Variants in LTBP3 observed in about 807,000 individuals in gnomAD.
LTBP3 encodes latent transforming growth factor beta binding protein 3, also known as latent-transforming growth factor beta-binding protein 3.
In LTBP3, 97 loss-of-function variants were observed where a neutral mutation model predicts 159.7. The observed-to-expected ratio is 0.61, with a 90% CI of 0.52 to 0.72. The LOEUF (loss-of-function observed/expected upper bound fraction) is 0.72. Among genes scored for constraint, LTBP3 ranks in the 30% least tolerant of loss-of-function variants. The probability of loss-of-function intolerance (pLI) is 0.00; values close to 1 mark genes in which losing one functional copy is unlikely to be tolerated. For missense variants in LTBP3, 1,584 were observed against 1,864.3 expected, an observed-to-expected ratio of 0.85 and a Z score of 2.77; for synonymous variants, 824 against 777.1, an observed-to-expected ratio of 1.06 and a Z score of -1.00.
chr11:65,538,943 G>T lies in LTBP3; in HGVS notation c.*137C>A. On this transcript the variant is annotated 3_prime_UTR_variant, in exon 28 of 28. Coordinates refer to ENST00000301873, the MANE Select transcript of LTBP3 (RefSeq NM_001130144.3). The stretch of plus-strand genomic sequence containing the variant: ...AGGGGGGCCGGTAGGGGCGCCTCGG[G>T]TCTCAAGGCGCCGGGAGGGTCTGCG... 7.6e-7 allele frequency: 1 copy of T among 1,309,594 alleles called. No individual in the cohort carries two copies. The highest frequency in any genetic ancestry group is 9.7e-7 in the Non-Finnish European group (1 of 1,029,482). 81.1% of individuals were successfully genotyped at this position (1,309,594 alleles called of 1,614,324 possible).
chr11:65,540,053 C>T lies in LTBP3; in HGVS notation c.3345G>A (p.Gly1115=), dbSNP rs1442154228. The change falls in exon 24 of 28, where the codon GGG becomes GGA. Residue 1115 remains glycine, a synonymous_variant. Transcript: ENST00000301873. ...GGAGCTGGCAATCGCGGCCGGAGGG[C>T]CCGGGCACCCAGGGCGGGCGACACT... The part of the protein sequence containing the change: ...RCECRPPWVP[G]PSGRDCQLPE... 2 of 1,520,788 alleles carry T rather than the reference C, an allele frequency of 1.3e-6. No homozygotes were observed. Among genetic ancestry groups the T allele is most frequent in the South Asian group, 2.4e-5 (2 of 82,790 alleles). The allele number at this position is 1,520,788 out of a possible 1,614,324, so 94.2% of individuals were successfully genotyped here.
chr11:65,546,459 T>G lies in LTBP3; in HGVS notation c.2336A>C (p.Asp779Ala). The change falls in exon 16 of 28, where the codon GAC becomes GCC. Residue 779 changes from aspartate to alanine, a missense_variant. Physicochemically the swap from Asp to Ala is moderately radical, Grantham distance 126. Transcript: ENST00000301873. This position sits in a 1 kb window ranked among gnomAD's most constrained non-coding sequence, Gnocchi z 4.0. ...TCAQGYAPAP[D>A]GRSCLDVDEC... ...GCGCTCACCCAAGCAACTGCGGCCG[T>G]CGGGCGCGGGCGCGTAGCCCTGGGC... is the stretch of plus-strand genomic sequence containing the variant. The G allele has an allele frequency of 6.4e-7, 1 of 1,573,510 alleles. No homozygotes were observed. Among genetic ancestry groups the G allele is most frequent in the Non-Finnish European group, 8.6e-7 (1 of 1,167,412 alleles).
At chr11:65,556,293 C>T (rs899799985) in intron 1 of LTBP3, among the ~76,000 whole-genome samples, 1 of 151,988 alleles carries the variant, frequency 6.6e-6, no homozygotes. Flanking sequence ...TTTGGGAGGC[C>T]GAGGCAGGTA....
In LTBP3 at chr11:65,553,853, C is replaced by G. The variant is rs1241393064; in HGVS notation, c.712G>C (p.Ala238Pro). ...VNVRVHHPPE[A>P]SVQVHRIESS... ...TCAATGCGGTGCACCTGGACTGAGG[C>G]CTCGGGCGGGTGATGGACGCGCACA... is the stretch of plus-strand genomic sequence containing the variant. Residue 238 changes from alanine to proline, a missense_variant, in exon 3 of 28, where the codon GCC becomes CCC. Transcript: ENST00000301873. This position sits in a 1 kb window ranked among gnomAD's most constrained non-coding sequence, Gnocchi z 6.5. 2 of 1,560,214 alleles carry G rather than the reference C, an allele frequency of 1.3e-6. No individual in the cohort carries two copies.
chr11:65,543,036 C>A (rs1169502540), intron 18 of LTBP3, 69 bp downstream of exon 18: 27 of 1,602,122 alleles, frequency 1.7e-5, no homozygotes, highest in Middle Eastern at 3.5e-4. Flanking sequence ...TGGAGAAAGG[C>A]CACAGTGTGT....
rs1475600653 is a variant in LTBP3, at chr11:65,546,667, C to T, written c.2231-103G>A. On this transcript the variant is annotated intron_variant, in intron 15 of 27. Coordinates refer to ENST00000301873, the MANE Select transcript of LTBP3 (RefSeq NM_001130144.3). The surrounding 1 kb of genome is among the most constrained non-coding windows in gnomAD (Gnocchi z 4.0). The stretch of plus-strand genomic sequence containing the variant: ...TCCCTGGAACGCGGGGTTGAGAGGG[C>T]AGCCTCTACTCCCGGAAGGCCCCGC... 1.9e-6 allele frequency: 3 copies of T among 1,558,200 alleles called. No homozygotes were observed. Among genetic ancestry groups the T allele is most frequent in the East Asian group, 2.3e-5 (1 of 43,584 alleles).
chr11:65,553,726 A>T lies in LTBP3; in HGVS notation c.839T>A (p.Phe280Tyr). The change falls in exon 3 of 28, where the codon TTT becomes TAT. Residue 280 changes from phenylalanine to tyrosine, a missense_variant. By Grantham distance (22) the Phe-to-Tyr change is conservative (BLOSUM62 3). This residue lies in a region of LTBP3 where 194 missense variants were observed against 198.7 expected (regional missense o/e 0.98). Coordinates refer to ENST00000301873, the MANE Select transcript of LTBP3 (RefSeq NM_001130144.3). This position sits in a 1 kb window ranked among gnomAD's most constrained non-coding sequence, Gnocchi z 6.5. ...CGGCTGCTTGGGCAGAGTGTCCTGA[A>T]AGCAGCGGCCCAGGGGCTTCTGGGT... ...PPTQKPLGRC[F>Y]QDTLPKQPCG... 1 of 1,579,068 alleles carries T rather than the reference A, an allele frequency of 6.3e-7. No homozygotes were observed. Among genetic ancestry groups the T allele is most frequent in the South Asian group, 1.1e-5 (1 of 88,008 alleles).
intron 18 of LTBP3, chr11:65,542,694 T>G: frequency 3.3e-6 from 1 of 304,530 alleles, no homozygotes; most frequent in South Asian, 2.8e-5. Flanking sequence ...CCTGAGCCAC[T>G]GCACTCAGCC....
chr11:65,540,255 C>T lies in LTBP3; in HGVS notation c.3234G>A (p.Pro1078=), dbSNP rs747479648. Residue 1078 remains proline (P), a synonymous_variant, in exon 23 of 28, where the codon CCG becomes CCA. Coordinates refer to ENST00000301873, the MANE Select transcript of LTBP3 (RefSeq NM_001130144.3). The part of the protein sequence containing the change: ...YSPAQRQCLS[P]EEMDVDECQD... Reference sequence around the variant, plus strand: ...CGGCCCGGGCCTCACCCATCTCTTCCGGGCTCAGGCACTGGCGCTGCGCGG... The same window carrying T: ...CGGCCCGGGCCTCACCCATCTCTTCTGGGCTCAGGCACTGGCGCTGCGCGG... 2 of 1,550,796 alleles carry T rather than the reference C, an allele frequency of 1.3e-6. No homozygotes were observed. The highest frequency in any genetic ancestry group is 1.7e-6 in the Non-Finnish European group (2 of 1,147,164).
chr11:65,546,969 G>A lies in LTBP3; in HGVS notation c.2108-49C>T, dbSNP rs1856400146. The A allele has an allele frequency of 2.5e-6, 4 of 1,603,798 alleles. No homozygotes were observed. The East Asian group carries it at 8.9e-5, about 36-fold the overall frequency. On this transcript the variant is annotated intron_variant, in intron 14 of 27. Transcript: ENST00000301873. This position sits in a 1 kb window ranked among gnomAD's most constrained non-coding sequence, Gnocchi z 4.0. ...GGACCCATCTGGGGACAACGCGGGT[G>A]GCCCGGCTCCCAGCGTCCACAGCAG... is the stretch of plus-strand genomic sequence containing the variant.
At chr11:65,550,786 T>G (rs1292473408) in intron 11 of LTBP3, among the ~76,000 whole-genome samples, 3 of 151,850 alleles carry the variant, frequency 2.0e-5, no homozygotes, top group Non-Finnish European at 4.4e-5. Context: ...ATTGCGCCAC[T>G]GCACTCCCGC....
intron 16 of LTBP3, chr11:65,543,819 AC>A: frequency 2.2e-6 from 1 of 451,862 alleles, no homozygotes; most frequent in South Asian, 2.2e-5. Context: ...TGCTGCTCCC[AC>A]CCTTCCCTCA....
chr11:65,558,115 G>T lies in LTBP3; in HGVS notation c.-156C>A. On this transcript the variant is annotated 5_prime_UTR_variant, in exon 1 of 28. Coordinates refer to ENST00000301873, the MANE Select transcript of LTBP3 (RefSeq NM_001130144.3). ...GGCGGGAGGGGACCGCGGGGGCCCG[G>T]CGGGAGGCGCGGAGATGCAGACTGG... The T allele has an allele frequency of 9.3e-7, 1 of 1,079,874 alleles. No individual in the cohort carries two copies. The highest frequency in any genetic ancestry group is 1.1e-6 in the Non-Finnish European group (1 of 889,834). The allele number at this position is 1,079,874 out of a possible 1,614,324, so 66.9% of individuals were successfully genotyped here. A position where few individuals can be genotyped will look rare whatever the true frequency, so the allele number is the denominator to read the frequency against.
rs1392981397 is a variant in LTBP3, at chr11:65,553,584, T to G, written c.865-54A>C. 6.0e-6 allele frequency: 9 copies of G among 1,500,672 alleles called. No homozygotes were observed. Among genetic ancestry groups the G allele is most frequent in the Non-Finnish European group, 8.3e-6 (9 of 1,090,300 alleles). 93.0% of individuals were successfully genotyped at this position (1,500,672 alleles called of 1,614,324 possible). A position where few individuals can be genotyped will look rare whatever the true frequency, so the allele number is the denominator to read the frequency against. ...CAGAGCACCCCGCCCCGGTGCCGCCTGTTAGGGTTGGGCCTTTTCCTCTTC... is the reference window on the plus strand; with the variant it reads ...CAGAGCACCCCGCCCCGGTGCCGCCGGTTAGGGTTGGGCCTTTTCCTCTTC... On this transcript the variant is annotated intron_variant, in intron 3 of 27. Transcript: ENST00000301873. This position sits in a 1 kb window ranked among gnomAD's most constrained non-coding sequence, Gnocchi z 6.5.
rs953146515 is a variant in LTBP3, at chr11:65,551,205, C to T, written c.1641G>A (p.Ser547=). 1 of 1,548,826 alleles carries T rather than the reference C, an allele frequency of 6.5e-7. No individual in the cohort carries two copies. The highest frequency in any genetic ancestry group is 1.2e-5 in the South Asian group (1 of 84,130). Residue 547 remains serine (S), a synonymous_variant, in exon 11 of 28, where the codon TCG becomes TCA. Coordinates refer to ENST00000301873, the MANE Select transcript of LTBP3 (RefSeq NM_001130144.3). The stretch of plus-strand genomic sequence containing the variant: ...GCAGGAACCAGCGCATGGTCGGGGG[C>T]GAGGGACGGGAGATCAGCTCTGCGG... ...RPYPELISRP[S]PPTMRWFLPD... is the part of the protein sequence containing the mutation.
chr11:65,554,122 G>A lies in LTBP3; in HGVS notation c.590C>T (p.Pro197Leu). ...AVQVIADPPG[P>L]GEGPPAQHAA... ...GTGCTGGGCAGGAGGCCCCTCCCCGGGCCCAGGAGGGTCAGCGATCACCTG... is the reference window on the plus strand; with the variant it reads ...GTGCTGGGCAGGAGGCCCCTCCCCGAGCCCAGGAGGGTCAGCGATCACCTG... Residue 197 changes from proline to leucine, a missense_variant, in exon 2 of 28, where the codon CCC (proline) becomes CTC (leucine). Physicochemically the swap from Pro to Leu is moderately conservative, Grantham distance 98 (BLOSUM62 -3). Transcript: ENST00000301873. This position sits in a 1 kb window ranked among gnomAD's most constrained non-coding sequence, Gnocchi z 5.3. 6.2e-7 allele frequency: 1 copy of A among 1,611,280 alleles called. No homozygotes were observed. The highest frequency in any genetic ancestry group is 8.5e-7 in the Non-Finnish European group (1 of 1,179,560).
At chr11:65,541,923 G>A (rs1856153444) in intron 18 of LTBP3, 195 bp from the exon 19 acceptor site, 4 of 629,952 alleles carry the variant, frequency 6.3e-6, no homozygotes, top group South Asian at 3.4e-5. Flanking sequence ...AACACCTTCA[G>A]TGGCTCCCAC....
In LTBP3 at chr11:65,553,647, G is replaced by C; in HGVS notation, c.864+54C>G. 4 of 1,537,552 alleles carry C rather than the reference G, an allele frequency of 2.6e-6. No individual in the cohort carries two copies. The highest frequency in any genetic ancestry group is 3.5e-6 in the Non-Finnish European group (4 of 1,140,768). ...GTTTTCTGCTATCCGAGTGAGTTGG[G>C]GCAGAGCAACCCTGAGAGAAGGAAA... On this transcript the variant is annotated intron_variant, in intron 3 of 27. Transcript: ENST00000301873. This position sits in a 1 kb window ranked among gnomAD's most constrained non-coding sequence, Gnocchi z 6.5.
In LTBP3 at chr11:65,551,408, A is replaced by G. The variant is rs1856607612; in HGVS notation, c.1615T>C (p.Tyr539His). The change falls in exon 10 of 28, where the codon TAC becomes CAC. Residue 539 changes from tyrosine to histidine, a missense_variant. By Grantham distance (83) the Tyr-to-His change is moderately conservative. This residue lies in a region of LTBP3 where 565 missense variants were observed against 677.7 expected (regional missense o/e 0.83). Transcript: ENST00000301873. ...CCTACAGTGCCCAGCTCACCGGGGTAGGGCCGGGCAGGAGTCGTGGTGGCA... is the reference window on the plus strand; with the variant it reads ...CCTACAGTGCCCAGCTCACCGGGGTGGGGCCGGGCAGGAGTCGTGGTGGCA... ...PTATTTPARPYPELISRPSPP... is the reference protein window; with the variant it reads ...PTATTTPARPHPELISRPSPP... The G allele has an allele frequency of 3.7e-6, 6 of 1,613,254 alleles. No individual in the cohort carries two copies. Among genetic ancestry groups the G allele is most frequent in the Non-Finnish European group, 5.1e-6 (6 of 1,179,968 alleles).
Sources: allele counts gnomAD v4.1 joint callset (sites outside exome capture counted in the v4.1 genomes callset), GRCh38; gene constraint gnomAD v4.1.1; regional missense constraint gnomAD v4.1.1; non-coding constraint Gnocchi (gnomAD v3.1); transcripts MANE v1.5; gene names NCBI Gene and HGNC (gene_info 2026-07-23, HGNC 2026-07-21).